The following GRHPR variants were observed in gnomAD, a reference collection of about 807,000 sequenced individuals.
GRHPR encodes the protein glyoxylate reductase/hydroxypyruvate reductase.
In GRHPR, 35 loss-of-function variants were observed where a neutral mutation model predicts 36.8. The ratio of observed to expected loss-of-function variants is 0.95; its 90% confidence interval spans 0.73 to 1.26. The LOEUF is 1.26. Among genes scored for constraint, GRHPR ranks in the 50% most tolerant of loss-of-function variants. GRHPR has a pLI of 0.00. For synonymous variants in GRHPR, 179 were observed against 181.0 expected, an observed-to-expected ratio of 0.99 and a Z score of 0.09; for missense variants, 380 against 435.0, an observed-to-expected ratio of 0.87 and a Z score of 1.12.
chr9:37,433,744 T>G, intron 8 of GRHPR: 1 of 227,588 alleles, frequency 4.4e-6, no homozygotes, highest in Non-Finnish European at 8.5e-6. Context: ...GTTAACAACT[T>G]GATGCGTAGT....
intron 5 of GRHPR, chr9:37,429,164 G>C (rs912821995): frequency 7.9e-6 from 2 of 251,728 alleles, no homozygotes; most frequent in Non-Finnish European, 1.6e-5. Flanking sequence ...TCTAGCCAAC[G>C]AACAGCCCTG....
downstream of GRHPR, chr9:37,438,859 T>G (rs530393493): frequency 3.3e-5 from 5 of 152,254 alleles, no homozygotes; most frequent in Non-Finnish European, 7.3e-5. Context: ...ATCGTGGGTT[T>G]CCCTTTGGGC....
At chr9:37,426,677 C>A (rs528939090) in intron 4 of GRHPR, 23 bp downstream of exon 4, 3 of 1,334,756 alleles carry the variant, frequency 2.2e-6, no homozygotes, top group Non-Finnish European at 3.2e-6. Context: ...AGACCAGGTG[C>A]GGTGGCTCAC....
chr9:37,429,466 T>C, intron 5 of GRHPR: 1 of 519,818 alleles, frequency 1.9e-6, no homozygotes, highest in Non-Finnish European at 3.5e-6. Flanking sequence ...CCAGATGGCT[T>C]GGACCATGTG....
intron 5 of GRHPR, chr9:37,428,825 G>T (rs1173511978): frequency 3.2e-6 from 2 of 628,442 alleles, no homozygotes; most frequent in Non-Finnish European, 5.9e-6. Flanking sequence ...TCATGATTCC[G>T]GCTCCATAAA....
At position 37,428,369 on chromosome 9, in the gene GRHPR, C is replaced by T. The variant is rs148403667; in HGVS notation, c.405-115C>T. 3,918 of 772,004 alleles carry T rather than the reference C, an allele frequency of 5.1e-3. 36 individuals carry two copies. The highest frequency in any genetic ancestry group is 0.014 in the South Asian group (1,077 of 74,336). 47.8% of individuals were successfully genotyped at this position (772,004 alleles called of 1,614,324 possible). ...GCAGTGCCTCATCCCACTCTCAGTC[C>T]GTGACCTGGAGGGTGGGTTTATACC... On this transcript the variant is annotated intron_variant, in intron 4 of 8. Transcript: ENST00000318158.
intron 5 of GRHPR, 80 bp from the exon 6 acceptor site, chr9:37,429,652 G>A: frequency 1.1e-6 from 1 of 921,670 alleles, no homozygotes; most frequent in Non-Finnish European, 1.8e-6. Context: ...CTGCCCTGAG[G>A]GCCGCTGTTC....
chr9:37,426,099 G>A (rs545039911), intron 3 of GRHPR, 105 bp downstream of exon 3: 56 of 803,734 alleles, frequency 7.0e-5, no homozygotes, highest in Admixed American at 6.7e-4. Flanking sequence ...GCCATTCAGG[G>A]AGAATGTGAG....
At chr9:37,433,937 C>T (rs372838703) in intron 8 of GRHPR, 1 of 397,416 alleles carries the variant, frequency 2.5e-6, no homozygotes, top group Non-Finnish European at 4.4e-6. Flanking sequence ...TATTGCAGCC[C>T]TTGGAAACTC....
chr9:37,430,186 G>A (rs1440369661), intron 6 of GRHPR: 1 of 535,838 alleles, frequency 1.9e-6, no homozygotes, highest in East Asian at 3.4e-5. Flanking sequence ...CACTACCCTA[G>A]CCTTTGTGTG....
intron 4 of GRHPR, 128 bp from the exon 5 acceptor site, chr9:37,428,356 C>A: frequency 1.7e-4 from 102 of 608,990 alleles, no homozygotes; most frequent in Middle Eastern, 5.0e-4. Context: ...AGTGCCTCAT[C>A]CCACTCTCAG....
In GRHPR at chr9:37,432,146, C is replaced by T; in HGVS notation, c.865+8C>T. 6.2e-7 allele frequency: 1 copy of T among 1,613,790 alleles called. No homozygotes were observed. Among genetic ancestry groups the T allele is most frequent in the South Asian group, 1.1e-5 (1 of 91,078 alleles). On this transcript the variant is annotated splice_region_variant and intron_variant, in intron 8 of 8. Transcript: ENST00000318158. ...TGACCCTGAAGAACTGTGGTAAGAACTGCACTTTCTGATGCAAACTCCCTG... is the reference window on the plus strand; with the variant it reads ...TGACCCTGAAGAACTGTGGTAAGAATTGCACTTTCTGATGCAAACTCCCTG...
At chr9:37,425,564 C>T (rs981443898) in intron 2 of GRHPR, among the ~76,000 whole-genome samples, 2 of 152,218 alleles carry the variant, frequency 1.3e-5, no homozygotes, top group African/African-American at 2.4e-5. Context: ...GAGAGGGTCA[C>T]GTCCCAGCCA....
chr9:37,431,872 A>C, intron 7 of GRHPR, 136 bp from the exon 8 acceptor site: 1 of 857,252 alleles, frequency 1.2e-6, no homozygotes, highest in Non-Finnish European at 1.9e-6. Flanking sequence ...GACATACTGT[A>C]AGTATACCTA....
chr9:37,434,409 A>G, intron 8 of GRHPR: 1 of 524,150 alleles, frequency 1.9e-6, no homozygotes, highest in Non-Finnish European at 3.4e-6. Flanking sequence ...AGTATGGAGA[A>G]TGTCAAGGGG....
At chr9:37,432,804 T>C (rs988962383) in intron 8 of GRHPR, 1 of 154,598 alleles carries the variant, frequency 6.5e-6, no homozygotes, top group African/African-American at 2.4e-5. Context: ...AAAAGTGTAA[T>C]GACAATGCCA....
At chr9:37,425,374 C>A (rs1250113956) in intron 2 of GRHPR, among the ~76,000 whole-genome samples, 2 of 152,244 alleles carry the variant, frequency 1.3e-5, no homozygotes, top group African/African-American at 4.8e-5. Flanking sequence ...ACCGCAGCCA[C>A]GGGTCTCAGC....
At chr9:37,425,155 G>A (rs1167032337) in intron 2 of GRHPR, among the ~76,000 whole-genome samples, 180 bp downstream of exon 2, 1 of 152,250 alleles carries the variant, frequency 6.6e-6, no homozygotes, top group Non-Finnish European at 1.5e-5. Flanking sequence ...CCCTCCTGCT[G>A]TGAACCCCTT....
downstream of GRHPR, chr9:37,437,050 C>T: frequency 4.8e-6 from 2 of 418,888 alleles, no homozygotes; most frequent in Middle Eastern, 7.6e-4. Context: ...CATGGTGACG[C>T]ACCCCTATAG....
Sources: gnomAD v4.1 joint callset for allele counts (sites outside exome capture counted in the v4.1 genomes callset) on GRCh38, gnomAD v4.1.1 for gene constraint, MANE v1.5 for transcripts, NCBI Gene and HGNC (gene_info 2026-07-23, HGNC 2026-07-21) for gene names.